CDH26: variants seen among roughly 807,000 people sequenced by gnomAD.
CDH26 encodes the protein cadherin 26, also known as cadherin-like protein 26.
Under a neutral mutation model 90.3 loss-of-function variants are expected in CDH26, and 83 were observed. The ratio of observed to expected loss-of-function variants is 0.92; its 90% CI spans 0.77 to 1.10. The LOEUF is 1.10. Among genes scored for constraint, CDH26 ranks in the 50% least tolerant of loss-of-function variants. The pLI, the probability that CDH26 is intolerant of heterozygous loss-of-function variation, is 0.00. For missense variants in CDH26, 1,013 were observed against 1,037.6 expected (o/e 0.98, Z 0.33); for synonymous variants, 397 against 396.3 (o/e 1.00, Z -0.02).
intron 8 of CDH26, among the ~76,000 whole-genome samples, chr20:59,988,064 CTG>C (rs1209208519): frequency 6.6e-6 from 1 of 152,196 alleles, no homozygotes; most frequent in Non-Finnish European, 1.5e-5. Flanking sequence ...GGGAGTGCAT[CTG>C]TGTGGCTCCA....
At chr20:59,973,598 A>G (rs1489284668) in intron 4 of CDH26, among the ~76,000 whole-genome samples, 1 of 152,024 alleles carries the variant, frequency 6.6e-6, no homozygotes, top group African/African-American at 2.4e-5. Flanking sequence ...CTGTGTGTCC[A>G]TGTGTTCTCA....
intron 8 of CDH26, 49 bp downstream of exon 8, chr20:59,987,687 G>T (rs371198100): frequency 3.3e-5 from 49 of 1,502,124 alleles, no homozygotes; most frequent in Non-Finnish European, 4.3e-5. Flanking sequence ...AGACGCTGAG[G>T]CCTCTTCTGT....
At chr20:60,026,130 C>A (rs528539260) in intron 7 of CDH26, among the ~76,000 whole-genome samples, 4 of 152,244 alleles carry the variant, frequency 2.6e-5, no homozygotes, top group Non-Finnish European at 5.9e-5. Flanking sequence ...TTGCCTTAAC[C>A]CGCTCTGGGA....
At chr20:60,007,397 G>A (rs1325211819) in intron 17 of CDH26, among the ~76,000 whole-genome samples, 1 of 152,202 alleles carries the variant, frequency 6.6e-6, no homozygotes, top group Non-Finnish European at 1.5e-5. Context: ...CAAAGGTGAG[G>A]TGGAGGTGTT....
intron 17 of CDH26, among the ~76,000 whole-genome samples, chr20:60,008,232 A>G (rs1311290454): frequency 6.6e-6 from 1 of 152,234 alleles, no homozygotes; most frequent in African/African-American, 2.4e-5. Flanking sequence ...AAACACGTGT[A>G]TAATACTCAC....
intron 13 of CDH26, among the ~76,000 whole-genome samples, chr20:59,999,295 A>G (rs2061643749): frequency 6.6e-6 from 1 of 152,340 alleles, no homozygotes; most frequent in South Asian, 2.1e-4. Flanking sequence ...AAGCTTTTCA[A>G]TTCTGAGAGC....
At position 59,983,015 on chromosome 20, in the gene CDH26, A is replaced by T. The variant is rs1489134080; in HGVS notation, c.486A>T (p.Ala162=). ...GGATCAGTGATGTGAATGATCATGC[A>T]CCCCAGTTTCCAGAGAAGGAATTTA... ...NIRISDVNDH[A]PQFPEKEFNI... is the part of the protein sequence containing the mutation. Residue 162 remains alanine, a synonymous_variant, in exon 5 of 18, where the codon GCA becomes GCT. Transcript: ENST00000348616. The T allele has an allele frequency of 1.9e-6, 3 of 1,614,048 alleles. No individual in the cohort carries two copies. The East Asian group carries it at 6.7e-5, about 36-fold the overall frequency.
chr20:59,987,711 A>G, intron 8 of CDH26, 73 bp downstream of exon 8: 2 of 1,362,170 alleles, frequency 1.5e-6, no homozygotes, highest in East Asian at 2.4e-5. Flanking sequence ...ATCACTCACA[A>G]TGAACCAGGG....
chr20:60,026,556 G>T (rs1212282120), intron 7 of CDH26, among the ~76,000 whole-genome samples: 1 of 152,168 alleles, frequency 6.6e-6, no homozygotes, highest in African/African-American at 2.4e-5. Flanking sequence ...TGGCCTCCAG[G>T]ATCTGAGCAT....
chr20:60,000,461 G>A (rs528643675), intron 14 of CDH26, among the ~76,000 whole-genome samples: 1 of 152,300 alleles, frequency 6.6e-6, no homozygotes, highest in East Asian at 1.9e-4. Context: ...TGCTCCTGGG[G>A]GAAGGGCTGC....
chr20:59,960,058 G>A lies in CDH26; in HGVS notation c.69+1263G>A, dbSNP rs866900280. 5.3e-5 allele frequency among the ~76,000 whole-genome samples: 8 copies of A among 152,146 alleles called. No homozygotes were observed. The East Asian group carries it at 7.7e-4, about 15-fold the overall frequency. ...TGAGCTCTGGACTGGGCTGCTTGGC[G>A]TCCTGACCTAGGCTCCTTCACAGCC... On this transcript the variant is annotated intron_variant, in intron 1 of 17. Transcript: ENST00000348616.
chr20:60,001,527 A>C, intron 15 of CDH26, 116 bp downstream of exon 15: 2 of 1,456,730 alleles, frequency 1.4e-6, no homozygotes, highest in South Asian at 1.4e-5. Flanking sequence ...AAAGGCACAT[A>C]GTCAATGAAA....
chr20:59,971,959 C>G lies in CDH26; in HGVS notation c.232-3C>G, dbSNP rs762389051. 6 of 1,609,520 alleles carry G rather than the reference C, an allele frequency of 3.7e-6. No homozygotes were observed. Among genetic ancestry groups the G allele is most frequent in the Non-Finnish European group, 5.1e-6 (6 of 1,177,354 alleles). ...TTCTTCTTTCCATTTTTCCTCCTTC[C>G]AGCTGTTCAATAATATGTCTTATAA... On this transcript the variant is annotated splice_polypyrimidine_tract_variant and splice_region_variant and intron_variant, in intron 3 of 17. Coordinates refer to ENST00000348616, the MANE Select transcript of CDH26 (RefSeq NM_177980.4).
chr20:59,999,021 C>T (rs574855210), intron 13 of CDH26, among the ~76,000 whole-genome samples: 10 of 152,286 alleles, frequency 6.6e-5, no homozygotes, highest in Admixed American at 4.6e-4. Context: ...TGCAAGATAT[C>T]GTCACTAGCT....
chr20:60,004,362 C>T (rs6071078), intron 16 of CDH26, among the ~76,000 whole-genome samples: 2,480 of 152,244 alleles, frequency 0.016, 39 homozygotes, highest in Non-Finnish European at 0.026. Context: ...GTGTAGCCTA[C>T]TACACACCTA....
intron 14 of CDH26, among the ~76,000 whole-genome samples, chr20:60,001,084 T>C (rs1236781087): frequency 3.9e-5 from 6 of 152,200 alleles, no homozygotes; most frequent in Non-Finnish European, 5.9e-5. Flanking sequence ...GTCTGTGTCA[T>C]GGAAAGAACA....
At chr20:59,980,314 G>C (rs1489936111) in intron 4 of CDH26, among the ~76,000 whole-genome samples, 1 of 147,702 alleles carries the variant, frequency 6.8e-6, no homozygotes, top group African/African-American at 2.6e-5. Flanking sequence ...TTTTTTTTGA[G>C]ATGGAGTTTC....
chr20:59,963,362 C>T (rs1330381595), intron 1 of CDH26, among the ~76,000 whole-genome samples: 1 of 150,658 alleles, frequency 6.6e-6, no homozygotes, highest in African/African-American at 2.4e-5. Context: ...GCGATCCTTC[C>T]ACCTCAGCCT....
At position 59,987,602 on chromosome 20, in the gene CDH26, C is replaced by A; in HGVS notation, c.987C>A (p.Asp329Glu). Residue 329 changes from aspartate to glutamate, a missense_variant, in exon 8 of 18, where the codon GAC (aspartate) becomes GAA (glutamate). Physicochemically the swap from Asp to Glu is conservative, Grantham distance 45. Transcript: ENST00000348616. ...AGGGGCATTTTGACATTTCGACTGA[C>A]CCTGAGACCAACGAAGGGATATTAA... Reference protein sequence around the residue: ...NEEGHFDISTDPETNEGILNV... With the variant: ...NEEGHFDISTEPETNEGILNV... 1 of 1,613,556 alleles carries A rather than the reference C, an allele frequency of 6.2e-7. No homozygotes were observed. The highest frequency in any genetic ancestry group is 8.5e-7 in the Non-Finnish European group (1 of 1,179,786).
Sources: allele counts gnomAD v4.1 joint callset (sites outside exome capture counted in the v4.1 genomes callset), GRCh38; gene constraint gnomAD v4.1.1; transcripts MANE v1.5; gene names NCBI Gene and HGNC (gene_info 2026-07-23, HGNC 2026-07-21).